CYB5A: variants seen among roughly 807,000 people sequenced by gnomAD.
The protein encoded by CYB5A is cytochrome b5 type A, also known as cytochrome b5.
Under a neutral mutation model 16.2 loss-of-function variants are expected in CYB5A, and 10 were observed. The observed-to-expected ratio is 0.62, with a 90% CI of 0.38 to 1.04. The LOEUF (loss-of-function observed/expected upper bound fraction) is 1.04. CYB5A is among the 50% of genes least tolerant of loss of function. CYB5A has a pLI of 0.01. For synonymous variants in CYB5A, 62 were observed against 57.0 expected, an observed-to-expected ratio of 1.09 and a Z score of -0.40; for missense variants, 161 against 165.9, an observed-to-expected ratio of 0.97 and a Z score of 0.16.
intron 1 of CYB5A, among the ~76,000 whole-genome samples, chr18:74,278,035 G>A (rs1326048350): frequency 6.6e-6 from 1 of 152,208 alleles, no homozygotes; most frequent in African/African-American, 2.4e-5. Context: ...ATATCAGTGG[G>A]TAACATCTAA....
intron 1 of CYB5A, among the ~76,000 whole-genome samples, chr18:74,268,769 A>G (rs1011012748): frequency 6.6e-6 from 1 of 152,178 alleles, no homozygotes; most frequent in Non-Finnish European, 1.5e-5. Context: ...ACTGAATGGA[A>G]GATGGGGCCA....
chr18:74,268,686 G>A (rs757196671), intron 1 of CYB5A, among the ~76,000 whole-genome samples: 6 of 152,156 alleles, frequency 3.9e-5, no homozygotes, highest in Admixed American at 6.5e-5. Flanking sequence ...CAGAGTGGAC[G>A]AGAGGGCTTC....
intron 1 of CYB5A, among the ~76,000 whole-genome samples, chr18:74,286,412 G>C (rs1983321439): frequency 6.6e-6 from 1 of 152,148 alleles, no homozygotes; most frequent in Non-Finnish European, 1.5e-5. Context: ...TAATTCCTGA[G>C]ATATGTTCCT....
At chr18:74,263,218 G>T in intron 2 of CYB5A, 131 bp downstream of exon 2, 1 of 1,127,424 alleles carries the variant, frequency 8.9e-7, no homozygotes, top group Non-Finnish European at 1.3e-6. Flanking sequence ...ACAAAAAATG[G>T]TGTCCTAAAA....
chr18:74,288,683 A>T (rs1983410094), intron 1 of CYB5A, among the ~76,000 whole-genome samples: 1 of 152,146 alleles, frequency 6.6e-6, no homozygotes, highest in South Asian at 2.1e-4. Flanking sequence ...TGAGCGAGTG[A>T]GCTTATTGGA....
At chr18:74,269,192 C>T (rs4891537) in intron 1 of CYB5A, among the ~76,000 whole-genome samples, 18,115 of 152,210 alleles carry the variant, frequency 0.12, 1,377 homozygotes, top group Admixed American at 0.19. Context: ...CAGCTCCTGT[C>T]GCTCCATGGC....
chr18:74,279,844 C>A (rs1045272945), intron 1 of CYB5A, among the ~76,000 whole-genome samples: 1 of 152,158 alleles, frequency 6.6e-6, no homozygotes, highest in East Asian at 1.9e-4. Flanking sequence ...AATTCTTATT[C>A]AATCAATAAA....
chr18:74,285,975 T>C (rs1983305179), intron 1 of CYB5A, among the ~76,000 whole-genome samples: 1 of 152,106 alleles, frequency 6.6e-6, no homozygotes, highest in Non-Finnish European at 1.5e-5. Context: ...ATTCCGTATA[T>C]TAGGATCCCT....
chr18:74,261,363 G>C (rs1051054592), intron 2 of CYB5A: 3 of 227,752 alleles, frequency 1.3e-5, no homozygotes, highest in Non-Finnish European at 2.6e-5. Context: ...CCCAGTTTTA[G>C]AGTCATAAAC....
chr18:74,266,405 G>A (rs1982437544), intron 1 of CYB5A, among the ~76,000 whole-genome samples: 1 of 152,176 alleles, frequency 6.6e-6, no homozygotes, highest in South Asian at 2.1e-4. Context: ...TATGTCAGTG[G>A]AGACAAATCG....
chr18:74,260,752 T>TC (rs1982165722), intron 3 of CYB5A, 163 bp downstream of exon 3: 1 of 701,920 alleles, frequency 1.4e-6, no homozygotes, highest in African/African-American at 1.8e-5. Flanking sequence ...CTGACAGGTT[T>TC]CCGTAAATAA....
chr18:74,271,249 G>A (rs1447799553), intron 1 of CYB5A, among the ~76,000 whole-genome samples: 1 of 152,138 alleles, frequency 6.6e-6, no homozygotes, highest in Non-Finnish European at 1.5e-5. Flanking sequence ...AGTTCATTTG[G>A]GGATAAAGAA....
chr18:74,274,815 A>G (rs2145066329), intron 1 of CYB5A, among the ~76,000 whole-genome samples: 1 of 152,342 alleles, frequency 6.6e-6, no homozygotes, highest in Middle Eastern at 3.4e-3. Flanking sequence ...AATTTGCTAC[A>G]TTTTAGTGGC....
chr18:74,279,305 A>G (rs1003050113), intron 1 of CYB5A, among the ~76,000 whole-genome samples: 2 of 152,274 alleles, frequency 1.3e-5, no homozygotes, highest in African/African-American at 4.8e-5. Context: ...AGGCAGGCGG[A>G]TCACCTGAGG....
intron 1 of CYB5A, among the ~76,000 whole-genome samples, chr18:74,266,810 A>G (rs890762225): frequency 1.4e-5 from 2 of 145,184 alleles, no homozygotes; most frequent in Admixed American, 7.3e-5. Context: ...CTGATAACTC[A>G]TGTAAAATTT....
In CYB5A at chr18:74,263,357, G is replaced by T; in HGVS notation, c.250C>A (p.Leu84Ile). The T allele has an allele frequency of 6.2e-7, 1 of 1,614,014 alleles. No homozygotes were observed. Among genetic ancestry groups the T allele is most frequent in the Admixed American group, 1.7e-5 (1 of 60,018 alleles). ...CCCCAAAATGTACTTACTGGATGGA[G>T]CTCCCCAATGATGAATGTTTTGGAC... is the stretch of plus-strand genomic sequence containing the variant. ...EMSKTFIIGE[L>I]HPDDRPKLNK... The change falls in exon 2 of 5, where the codon CTC becomes ATC. Residue 84 changes from leucine (L) to isoleucine (I), a missense_variant. Physicochemically the swap from Leu to Ile is conservative, Grantham distance 5 (BLOSUM62 2). Transcript: ENST00000340533.
intron 1 of CYB5A, among the ~76,000 whole-genome samples, chr18:74,268,117 AAG>A (rs1302715435): frequency 3.9e-5 from 6 of 152,272 alleles, no homozygotes; most frequent in Non-Finnish European, 4.4e-5. Context: ...AGTCGGAGCC[AAG>A]ATAGCGACGG....
chr18:74,282,590 T>G (rs954933688), intron 1 of CYB5A, among the ~76,000 whole-genome samples: 10 of 152,182 alleles, frequency 6.6e-5, no homozygotes, highest in Non-Finnish European at 1.3e-4. Context: ...CGGGAGGGTC[T>G]AACTGCTAGC....
At chr18:74,266,634 C>A (rs879877855) in intron 1 of CYB5A, among the ~76,000 whole-genome samples, 19 of 151,996 alleles carry the variant, frequency 1.3e-4, no homozygotes, top group Admixed American at 2.0e-4. Flanking sequence ...TACAACAGGG[C>A]AACTCCTCAC....
Sources: gnomAD v4.1 joint callset for allele counts (sites outside exome capture counted in the v4.1 genomes callset) on GRCh38, gnomAD v4.1.1 for gene constraint, MANE v1.5 for transcripts, NCBI Gene and HGNC (gene_info 2026-07-23, HGNC 2026-07-21) for gene names.